Variants in DTHD1 observed in about 807,000 individuals in gnomAD.
DTHD1 encodes death domain-containing protein 1.
DTHD1 carries 59 observed loss-of-function variants against 74.8 expected under a neutral mutation model. The ratio of observed to expected loss-of-function variants is 0.79; its 90% CI spans 0.64 to 0.98. DTHD1 has a LOEUF of 0.98. DTHD1 is among the 50% of genes least tolerant of loss of function. The probability of loss-of-function intolerance (pLI) is 0.00; values close to 1 mark genes in which losing one functional copy is unlikely to be tolerated. For missense variants in DTHD1, 1,051 were observed against 1,065.4 expected, an observed-to-expected ratio of 0.99 and a Z score of 0.19; for synonymous variants, 365 against 371.1, an observed-to-expected ratio of 0.98 and a Z score of 0.19.
intron 7 of DTHD1, among the ~76,000 whole-genome samples, chr4:36,310,872 GA>G (rs1448479846): frequency 6.6e-6 from 1 of 152,126 alleles, no homozygotes; most frequent in Non-Finnish European, 1.5e-5. Flanking sequence ...GAAGAGAGAG[GA>G]GGGAGAGGAA....
At chr4:36,318,679 A>G (rs1757879022) in intron 8 of DTHD1, among the ~76,000 whole-genome samples, 1 of 136,590 alleles carries the variant, frequency 7.3e-6, no homozygotes, top group South Asian at 2.2e-4. Context: ...CAGTGGCGCG[A>G]TCTCGGCTCA....
At chr4:36,312,450 A>C (rs1240588573) in intron 7 of DTHD1, among the ~76,000 whole-genome samples, 1 of 152,124 alleles carries the variant, frequency 6.6e-6, no homozygotes, top group Admixed American at 6.5e-5. Context: ...CAAATAAGTA[A>C]ATAAAATGCA....
At chr4:36,313,994 CT>C (rs57783952) in intron 7 of DTHD1, among the ~76,000 whole-genome samples, 13,335 of 143,262 alleles carry the variant, frequency 0.093, 750 homozygotes, top group East Asian at 0.24. Flanking sequence ...AAATAGTCTA[CT>C]TTTTTTTTTT....
chr4:36,330,261 AG>A (rs1447479779), intron 8 of DTHD1, among the ~76,000 whole-genome samples: 2 of 152,204 alleles, frequency 1.3e-5, no homozygotes, highest in African/African-American at 4.8e-5. Flanking sequence ...GTAAATAGTA[AG>A]CGTAGTGCCA....
chr4:36,304,036 G>C (rs1379391730), intron 5 of DTHD1, among the ~76,000 whole-genome samples: 3 of 152,178 alleles, frequency 2.0e-5, no homozygotes, highest in East Asian at 3.8e-4. Flanking sequence ...ATTCAGATCA[G>C]GGTGAAACTG....
intron 8 of DTHD1, among the ~76,000 whole-genome samples, chr4:36,324,370 C>G (rs905950746): frequency 1.3e-5 from 2 of 152,210 alleles, no homozygotes; most frequent in Non-Finnish European, 2.9e-5. Flanking sequence ...GGCACTGTAT[C>G]GTTATAGGGC....
rs774380889 is a variant in DTHD1 at position 36,306,175 on chromosome 4, T to C, written c.1644-16T>C. 10 of 1,545,486 alleles carry C rather than the reference T, an allele frequency of 6.5e-6. 1 individual carries two copies. The South Asian group carries it at 1.1e-4, about 17-fold the overall frequency. ...ATGTAAATTGTACCAATATCTCTTCTGTTACCATTATATAGGACAAAAATT... is the reference window on the plus strand; with the variant it reads ...ATGTAAATTGTACCAATATCTCTTCCGTTACCATTATATAGGACAAAAATT... On this transcript the variant is annotated splice_polypyrimidine_tract_variant and intron_variant, in intron 5 of 9. Coordinates refer to ENST00000639862, the MANE Select transcript of DTHD1 (RefSeq NM_001170700.3).
chr4:36,307,372 C>A (rs1033816188), intron 6 of DTHD1, among the ~76,000 whole-genome samples: 15 of 152,278 alleles, frequency 9.9e-5, no homozygotes, highest in African/African-American at 2.6e-4. Context: ...AGATGGCCAT[C>A]TTCATGGTCT....
chr4:36,329,355 C>T (rs1311619761), intron 8 of DTHD1, among the ~76,000 whole-genome samples: 1 of 152,154 alleles, frequency 6.6e-6, no homozygotes, highest in Admixed American at 6.5e-5. Flanking sequence ...ATTTTGAATA[C>T]TTTGCCACTT....
chr4:36,300,098 T>G, intron 5 of DTHD1, among the ~76,000 whole-genome samples: 1 of 152,368 alleles, frequency 6.6e-6, no homozygotes, highest in East Asian at 1.9e-4. Context: ...ATCTTAAATC[T>G]GCTAAGTCTA....
At chr4:36,309,701 C>T (rs999081190) in intron 7 of DTHD1, among the ~76,000 whole-genome samples, 2 of 152,060 alleles carry the variant, frequency 1.3e-5, no homozygotes, top group Admixed American at 6.5e-5. Context: ...TATATCAACC[C>T]AACTAAACAC....
intron 8 of DTHD1, among the ~76,000 whole-genome samples, chr4:36,321,995 T>C (rs1758058225): frequency 6.7e-6 from 1 of 149,926 alleles, no homozygotes; most frequent in Non-Finnish European, 1.5e-5. Flanking sequence ...GCATGTCTGT[T>C]ACCCTTACCT....
intron 8 of DTHD1, among the ~76,000 whole-genome samples, chr4:36,322,643 A>G (rs1210540612): frequency 6.6e-6 from 1 of 152,136 alleles, no homozygotes; most frequent in Non-Finnish European, 1.5e-5. Flanking sequence ...CAGAAAGATG[A>G]TGAGGTTTGT....
At chr4:36,338,080 T>C (rs530080674) in intron 8 of DTHD1, among the ~76,000 whole-genome samples, 2 of 152,216 alleles carry the variant, frequency 1.3e-5, no homozygotes, top group Non-Finnish European at 2.9e-5. Flanking sequence ...ATTCAAGATA[T>C]AGAACTATTC....
intron 5 of DTHD1, among the ~76,000 whole-genome samples, chr4:36,301,424 T>A (rs1231831854): frequency 6.6e-6 from 1 of 151,934 alleles, no homozygotes; most frequent in East Asian, 1.9e-4. Context: ...AACTCCAGAG[T>A]TGTCGACAGC....
chr4:36,311,568 C>A (rs1043640324), intron 7 of DTHD1: 1 of 151,704 alleles, frequency 6.6e-6, no homozygotes, highest in Non-Finnish European at 1.5e-5. Flanking sequence ...TATGTCAGAC[C>A]TTATTTTATT....
chr4:36,286,768 G>C (rs1031664730), intron 2 of DTHD1, among the ~76,000 whole-genome samples: 5 of 152,162 alleles, frequency 3.3e-5, no homozygotes, highest in Admixed American at 2.6e-4. Context: ...TGTAAAGTAT[G>C]TTACTATACG....
At chr4:36,285,304 G>A (rs898939427) in intron 2 of DTHD1, among the ~76,000 whole-genome samples, 37 of 152,232 alleles carry the variant, frequency 2.4e-4, no homozygotes, top group African/African-American at 7.7e-4. Flanking sequence ...AGAAGATTTG[G>A]AGAGAATGTT....
rs184001299 is a variant in DTHD1 at position 36,338,221 on chromosome 4, A to T, written c.2341-891A>T. ...AGAATGTGATATAATCAGAATACATAACCTTTTGAGACTAGAATATTTCTC... is the reference window on the plus strand; with the variant it reads ...AGAATGTGATATAATCAGAATACATTACCTTTTGAGACTAGAATATTTCTC... On this transcript the variant is annotated intron_variant, in intron 8 of 9. Transcript: ENST00000639862. 3.3e-5 allele frequency among the ~76,000 whole-genome samples: 5 copies of T among 152,326 alleles called. No homozygotes were observed. In the East Asian group the frequency reaches 7.7e-4, roughly 23 times the overall value.
Sources: gnomAD v4.1 joint callset for allele counts (sites outside exome capture counted in the v4.1 genomes callset) on GRCh38, gnomAD v4.1.1 for gene constraint, MANE v1.5 for transcripts, NCBI Gene and HGNC (gene_info 2026-07-23, HGNC 2026-07-21) for gene names.